The following MTHFD1L variants were observed in gnomAD, a reference collection of about 807,000 sequenced individuals.
The protein encoded by MTHFD1L is methylenetetrahydrofolate dehydrogenase (NADP+ dependent) 1 like, also known as monofunctional C1-tetrahydrofolate synthase, mitochondrial.
MTHFD1L carries 81 observed loss-of-function variants against 119.5 expected under a neutral mutation model. That is an observed-to-expected ratio of 0.68 (90% CI 0.57 to 0.82). The LOEUF is 0.82. Among genes scored for constraint, MTHFD1L ranks in the 40% least tolerant of loss-of-function variants. The pLI, the probability that MTHFD1L is intolerant of heterozygous loss-of-function variation, is 0.00. For synonymous variants in MTHFD1L, 430 were observed against 475.2 expected (o/e 0.90, Z 1.24); for missense variants, 1,125 against 1,253.4 (o/e 0.90, Z 1.55).
chr6:150,981,911 T>C (rs1777553770), intron 20 of MTHFD1L, among the ~76,000 whole-genome samples: 1 of 152,066 alleles, frequency 6.6e-6, no homozygotes, highest in African/African-American at 2.4e-5. Context: ...CATAGCAAGA[T>C]CCCATCTCTA....
rs988182104 is a variant in MTHFD1L, at chr6:151,015,514, A to G, written c.2409-2A>G. The G allele has an allele frequency of 2.5e-6, 4 of 1,603,110 alleles. No individual in the cohort carries two copies. Among genetic ancestry groups the G allele is most frequent in the Non-Finnish European group, 3.4e-6 (4 of 1,175,740 alleles). On this transcript the variant is annotated splice_acceptor_variant, in intron 23 of 27. Transcript: ENST00000367321. LOFTEE classifies it high-confidence loss of function. ...CAAAACCACAAACATTTTCTTCACT[A>G]GGACCGACACCCGCGCTGAGATTGA...
In MTHFD1L at chr6:150,960,289, C is replaced by A; in HGVS notation, c.1818C>A (p.Ile606=). ...GGCTGGTTCAGGCGCAGTTTGACATCGCAGTGGCCAGCGAGATCATGGCGG... is the reference window on the plus strand; with the variant it reads ...GGCTGGTTCAGGCGCAGTTTGACATAGCAGTGGCCAGCGAGATCATGGCGG... The part of the protein sequence containing the change: ...KGHYRQAQFD[I]AVASEIMAVL... The change falls in exon 18 of 28, where the codon ATC becomes ATA. Residue 606 remains isoleucine (I), a synonymous_variant. Coordinates refer to ENST00000367321, the MANE Select transcript of MTHFD1L (RefSeq NM_015440.5). The A allele has an allele frequency of 1.2e-6, 2 of 1,613,160 alleles. No homozygotes were observed. Among genetic ancestry groups the A allele is most frequent in the East Asian group, 2.2e-5 (1 of 44,844 alleles).
chr6:150,956,103 TGTTCTTAC>T (rs1795606343), intron 17 of MTHFD1L, 32 bp downstream of exon 17: 1 of 1,587,598 alleles, frequency 6.3e-7, no homozygotes, highest in Non-Finnish European at 8.7e-7. Context: ...GGTGTGGCTC[TGTTCTTAC>T]GTTCATTTCT....
chr6:151,059,367 G>A (rs1790373177), intron 26 of MTHFD1L, among the ~76,000 whole-genome samples: 1 of 151,896 alleles, frequency 6.6e-6, no homozygotes, highest in Non-Finnish European at 1.5e-5. Context: ...AGTAGAGTTG[G>A]GGTTTTGCCA....
rs536470352 is a variant in MTHFD1L at position 151,013,783 on chromosome 6, C to T, written c.2270C>T (p.Thr757Met). 6.0e-5 allele frequency: 96 copies of T among 1,611,868 alleles called. No individual in the cohort carries two copies. The Admixed American group carries it at 8.0e-4, about 13-fold the overall frequency. ...TGTTTTCTCTCCTTATTTCAGGTAA[C>T]GGCTGGTGTTCCTCTTAAGAAAGAA... ...LKMHGGGPSV[T>M]AGVPLKKEYT... is the part of the protein sequence containing the mutation. The change falls in exon 22 of 28, where the codon ACG (threonine) becomes ATG (methionine). Residue 757 changes from threonine to methionine, a missense_variant. This residue lies in a region of MTHFD1L where 1,058 missense variants were observed against 1,151.2 expected (regional missense o/e 0.92). Transcript: ENST00000367321.
At chr6:151,015,156 A>G (rs1305893784) in intron 23 of MTHFD1L, among the ~76,000 whole-genome samples, 176 bp downstream of exon 23, 2 of 147,994 alleles carry the variant, frequency 1.4e-5, no homozygotes, top group Admixed American at 6.7e-5. Context: ...TGTTCTCACA[A>G]TGTTATTAAG....
chr6:150,925,575 A>G lies in MTHFD1L; in HGVS notation c.1083-547A>G, dbSNP rs377686728. On this transcript the variant is annotated intron_variant, in intron 10 of 27. Transcript: ENST00000367321. The stretch of plus-strand genomic sequence containing the variant: ...AATTAATAAAACATTTTGAAATATG[A>G]TTTTAGACTGTAAATAGAGAGGGGG... Among the ~76,000 whole-genome samples, 55 of 152,324 alleles carry G rather than the reference A, an allele frequency of 3.6e-4. 1 individual carries two copies. The highest frequency in any genetic ancestry group is 1.3e-3 in the African/African-American group (55 of 41,572).
chr6:150,866,859 C>G (rs907968170), intron 1 of MTHFD1L, among the ~76,000 whole-genome samples: 5 of 152,188 alleles, frequency 3.3e-5, no homozygotes, highest in African/African-American at 1.2e-4. Context: ...GCGCACGGGT[C>G]TCGGGCCTTG....
intron 11 of MTHFD1L, among the ~76,000 whole-genome samples, chr6:150,932,203 A>C (rs1267843994): frequency 6.7e-6 from 1 of 148,486 alleles, no homozygotes; most frequent in East Asian, 2.0e-4. Flanking sequence ...TCCATTGTCA[A>C]CCCTTTTTTG....
At chr6:151,034,260 G>A (rs1442592407) in intron 24 of MTHFD1L, among the ~76,000 whole-genome samples, 2 of 151,898 alleles carry the variant, frequency 1.3e-5, no homozygotes, top group Non-Finnish European at 2.9e-5. Context: ...TAAATTGCCT[G>A]AACACCTAAG....
intron 1 of MTHFD1L, among the ~76,000 whole-genome samples, chr6:150,869,747 G>T (rs1378231780): frequency 6.6e-6 from 1 of 152,110 alleles, no homozygotes; most frequent in Non-Finnish European, 1.5e-5. Flanking sequence ...AGTGGGTGGG[G>T]GTGTGTGTCA....
chr6:150,938,662 G>C, intron 12 of MTHFD1L, 37 bp from the exon 13 acceptor site: 1 of 1,596,960 alleles, frequency 6.3e-7, no homozygotes, highest in Non-Finnish European at 8.5e-7. Flanking sequence ...GCTGTACTTG[G>C]TGACCCGTTT....
rs139919741 is a variant in MTHFD1L at position 151,034,579 on chromosome 6, A to G, written c.2673A>G (p.Lys891=). 3.7e-6 allele frequency: 6 copies of G among 1,610,810 alleles called. No homozygotes were observed. Among genetic ancestry groups the G allele is most frequent in the Non-Finnish European group, 5.1e-6 (6 of 1,178,760 alleles). ...DIELSPEAQA[K]IDRYTQQGFG... ...AACTCTCTCCTGAGGCACAAGCCAA[A>G]ATAGATCGTTACACTCAACAGGTAA... The change falls in exon 25 of 28, where the codon AAA becomes AAG. Residue 891 remains lysine, a synonymous_variant. Transcript: ENST00000367321.
intron 24 of MTHFD1L, among the ~76,000 whole-genome samples, chr6:151,031,711 A>G (rs188462185): frequency 1.3e-5 from 2 of 152,318 alleles, no homozygotes; most frequent in African/African-American, 4.8e-5. Context: ...TGAAATCTAT[A>G]TATCATTTCC....
At chr6:150,957,888 A>T (rs1462252659) in intron 17 of MTHFD1L, among the ~76,000 whole-genome samples, 1 of 152,224 alleles carries the variant, frequency 6.6e-6, no homozygotes, top group African/African-American at 2.4e-5. Context: ...AGAAAGATGT[A>T]TGCCAACTGT....
intron 1 of MTHFD1L, among the ~76,000 whole-genome samples, chr6:150,867,447 A>G (rs745498235): frequency 1.9e-4 from 29 of 151,794 alleles, no homozygotes; most frequent in Non-Finnish European, 3.1e-4. Context: ...CCTGCCCCCA[A>G]AAGCGCTGGG....
intron 5 of MTHFD1L, among the ~76,000 whole-genome samples, chr6:150,885,179 C>G (rs1337442133): frequency 6.7e-6 from 1 of 148,206 alleles, no homozygotes; most frequent in African/African-American, 2.5e-5. Context: ...CCTGCTTTCT[C>G]TTTAATTCAT....
chr6:150,938,646 G>A (rs774974147), intron 12 of MTHFD1L, 53 bp from the exon 13 acceptor site: 92 of 1,578,956 alleles, frequency 5.8e-5, no homozygotes, highest in African/African-American at 1.1e-4. Context: ...TGTGTCCATC[G>A]TGGCAGCTGT....
At position 150,877,690 on chromosome 6, in the gene MTHFD1L, G is replaced by C. The variant is rs779333854; in HGVS notation, c.363+6G>C. On this transcript the variant is annotated splice_donor_region_variant and intron_variant, in intron 3 of 27. Transcript: ENST00000367321. ...ACCAGAATTTGGCTGAGGAGGTGAG[G>C]ACTGCTGCTTTTAAAAAATTCACTA... 1 of 1,614,182 alleles carries C rather than the reference G, an allele frequency of 6.2e-7. No individual in the cohort carries two copies. The highest frequency in any genetic ancestry group is 8.5e-7 in the Non-Finnish European group (1 of 1,180,032).
Sources: gnomAD v4.1 joint callset for allele counts (sites outside exome capture counted in the v4.1 genomes callset) on GRCh38, gnomAD v4.1.1 for gene constraint, gnomAD v4.1.1 regional missense constraint, MANE v1.5 for transcripts, NCBI Gene and HGNC (gene_info 2026-07-23, HGNC 2026-07-21) for gene names.